ZFPM2: variants seen among roughly 807,000 people sequenced by gnomAD.
ZFPM2 encodes the protein zinc finger protein ZFPM2.
A neutral mutation model predicts 98.6 loss-of-function variants in ZFPM2; 20 were observed. That is an observed-to-expected ratio of 0.20 (90% CI 0.14 to 0.29). The LOEUF (loss-of-function observed/expected upper bound fraction) is 0.29, where lower values mean the gene tolerates loss of function less well. Ranked by LOEUF, ZFPM2 falls within the 10% of genes least tolerant of loss-of-function variation. ZFPM2 has a pLI of 1.00. For missense variants in ZFPM2, 1,310 were observed against 1,388.6 expected, an observed-to-expected ratio of 0.94 and a Z score of 0.90; for synonymous variants, 518 against 502.7, an observed-to-expected ratio of 1.03 and a Z score of -0.41.
At chr8:105,681,534 C>G (rs895821743) in intron 5 of ZFPM2, among the ~76,000 whole-genome samples, 2 of 152,210 alleles carry the variant, frequency 1.3e-5, no homozygotes, top group African/African-American at 2.4e-5. Context: ...AGAGTTTCAT[C>G]CTTTAATTTA....
intron 1 of ZFPM2, among the ~76,000 whole-genome samples, chr8:105,399,196 A>C (rs568709114): frequency 6.6e-6 from 1 of 152,352 alleles, no homozygotes; most frequent in East Asian, 1.9e-4. Context: ...TTCATCCTAC[A>C]TGTAGACAGA....
chr8:105,359,957 T>C (rs1812824920), intron 1 of ZFPM2, among the ~76,000 whole-genome samples: 2 of 152,140 alleles, frequency 1.3e-5, no homozygotes. Context: ...TCTCTAAGAG[T>C]AAATGTATGC....
intron 5 of ZFPM2, among the ~76,000 whole-genome samples, chr8:105,673,184 A>T (rs1229983296): frequency 4.1e-5 from 4 of 97,186 alleles, no homozygotes; most frequent in Non-Finnish European, 6.0e-5. Context: ...TTCAAATAGC[A>T]TGCTTTTTTT....
rs188419425 is a variant in ZFPM2 at position 105,326,941 on chromosome 8, G to T, written c.40+7960G>T. 8.7e-3 allele frequency among the ~76,000 whole-genome samples: 1,312 copies of T among 150,790 alleles called. 17 individuals carry two copies. Among genetic ancestry groups the T allele is most frequent in the African/African-American group, 0.03 (1,249 of 41,312 alleles). ...AAAGCTATAACACCTAGTTTTTGTG[G>T]AGGCCAATAAAATGCTATATTTTAA... On this transcript the variant is annotated intron_variant, in intron 1 of 7. Transcript: ENST00000407775.
At chr8:105,606,330 A>AT (rs1364575474) in intron 4 of ZFPM2, among the ~76,000 whole-genome samples, 2 of 151,798 alleles carry the variant, frequency 1.3e-5, no homozygotes. Context: ...TTCTTCTTCT[A>AT]TATACGTTCA....
chr8:105,727,965 A>C (rs1206457244), intron 5 of ZFPM2, among the ~76,000 whole-genome samples: 1 of 151,622 alleles, frequency 6.6e-6, no homozygotes, highest in South Asian at 2.1e-4. Flanking sequence ...AAAAAAAAAA[A>C]AACAAAATCA....
intron 1 of ZFPM2, among the ~76,000 whole-genome samples, chr8:105,364,385 T>A (rs573876099): frequency 6.6e-6 from 1 of 152,168 alleles, no homozygotes; most frequent in Admixed American, 6.6e-5. Context: ...ATTCTGAAAT[T>A]AATTATGGTA....
intron 3 of ZFPM2, among the ~76,000 whole-genome samples, chr8:105,522,205 T>G (rs904765121): frequency 6.6e-6 from 1 of 152,186 alleles, no homozygotes; most frequent in South Asian, 2.1e-4. Flanking sequence ...AGAAGTGGAA[T>G]AAGGGAAGCC....
chr8:105,362,211 T>G (rs1810414206), intron 1 of ZFPM2, among the ~76,000 whole-genome samples: 1 of 152,124 alleles, frequency 6.6e-6, no homozygotes, highest in African/African-American at 2.4e-5. Flanking sequence ...TAAAATCATA[T>G]TGCATAGGAG....
intron 5 of ZFPM2, among the ~76,000 whole-genome samples, chr8:105,687,302 T>C (rs1417488691): frequency 3.3e-5 from 5 of 152,196 alleles, no homozygotes; most frequent in African/African-American, 4.8e-5. Context: ...CCATTTTTTA[T>C]AGCAGTTAGC....
intron 1 of ZFPM2, among the ~76,000 whole-genome samples, chr8:105,366,559 T>C (rs1038902237): frequency 6.6e-6 from 1 of 152,002 alleles, no homozygotes; most frequent in African/African-American, 2.4e-5. Flanking sequence ...AGGGTACATG[T>C]GCACATTGTG....
intron 5 of ZFPM2, among the ~76,000 whole-genome samples, chr8:105,742,418 C>A (rs1812240361): frequency 7.0e-6 from 1 of 143,272 alleles, no homozygotes; most frequent in Non-Finnish European, 1.5e-5. Flanking sequence ...AGTAAAAGTT[C>A]TAGAAAGAGT....
At chr8:105,395,684 T>C (rs1295014344) in intron 1 of ZFPM2, among the ~76,000 whole-genome samples, 1 of 152,212 alleles carries the variant, frequency 6.6e-6, no homozygotes, top group Non-Finnish European at 1.5e-5. Context: ...AATTGACATA[T>C]TTTGAACACT....
chr8:105,665,077 A>G (rs1817463689), intron 5 of ZFPM2, among the ~76,000 whole-genome samples: 1 of 152,200 alleles, frequency 6.6e-6, no homozygotes, highest in African/African-American at 2.4e-5. Flanking sequence ...AGCATGATGC[A>G]AACATCTGGT....
intron 3 of ZFPM2, among the ~76,000 whole-genome samples, chr8:105,464,859 G>T (rs192924235): frequency 6.6e-6 from 1 of 151,818 alleles, no homozygotes; most frequent in African/African-American, 2.4e-5. Context: ...AATGAAAAAT[G>T]GAGGAGGCAG....
At chr8:105,597,736 C>T in intron 4 of ZFPM2, among the ~76,000 whole-genome samples, 1 of 152,086 alleles carries the variant, frequency 6.6e-6, no homozygotes, top group East Asian at 1.9e-4. Flanking sequence ...TCCTAAGTTA[C>T]TAAGAAAGTA....
chr8:105,397,599 G>A (rs529827462), intron 1 of ZFPM2, among the ~76,000 whole-genome samples: 4 of 152,122 alleles, frequency 2.6e-5, no homozygotes, highest in African/African-American at 9.6e-5. Flanking sequence ...GAGCTACTGA[G>A]GAGTTTTTGC....
chr8:105,766,859 T>C (rs1263475819), intron 5 of ZFPM2, among the ~76,000 whole-genome samples: 1 of 151,868 alleles, frequency 6.6e-6, no homozygotes, highest in Admixed American at 6.6e-5. Flanking sequence ...GTTACTAAAA[T>C]CAGCCATCCT....
chr8:105,358,721 C>G lies in ZFPM2; in HGVS notation c.40+39740C>G, dbSNP rs183700434. 5 of 152,434 alleles carry G rather than the reference C, an allele frequency of 3.3e-5. No individual in the cohort carries two copies. The East Asian group carries it at 9.7e-4, about 30-fold the overall frequency. 9.4% of individuals were successfully genotyped at this position (152,434 alleles called of 1,614,324 possible). ...CCTGTAATCCCAGCAGTTTGGGAGG[C>G]TGAGGTGGGTGGATCATGAGGTCAA... On this transcript the variant is annotated intron_variant, in intron 1 of 7. Coordinates refer to ENST00000407775, the MANE Select transcript of ZFPM2 (RefSeq NM_012082.4).
Sources: allele counts gnomAD v4.1 joint callset (sites outside exome capture counted in the v4.1 genomes callset), GRCh38; gene constraint gnomAD v4.1.1; transcripts MANE v1.5; gene names NCBI Gene and HGNC (gene_info 2026-07-23, HGNC 2026-07-21).